GALNT16: variants seen among roughly 807,000 people sequenced by gnomAD.
GALNT16 encodes the protein polypeptide N-acetylgalactosaminyltransferase 16, also known as UDP-GalNAc:polypeptide N-acetylgalactosaminyltransferase-like protein 1.
A neutral mutation model predicts 76.1 loss-of-function variants in GALNT16; 40 were observed. The ratio of observed to expected loss-of-function variants is 0.53; its 90% CI spans 0.41 to 0.68. The LOEUF is 0.68. Among genes scored for constraint, GALNT16 ranks in the 30% least tolerant of loss-of-function variants. The pLI is 0.00. For synonymous variants in GALNT16, 276 were observed against 285.2 expected, an observed-to-expected ratio of 0.97 and a Z score of 0.32; for missense variants, 621 against 731.9, an observed-to-expected ratio of 0.85 and a Z score of 1.75.
At chr14:69,270,610 C>T (rs1444598185) in intron 1 of GALNT16, among the ~76,000 whole-genome samples, 1 of 152,202 alleles carries the variant, frequency 6.6e-6, no homozygotes, top group East Asian at 1.9e-4. Context: ...CCTTGGGCTG[C>T]CACAGCCCAC....
intron 1 of GALNT16, among the ~76,000 whole-genome samples, chr14:69,279,018 G>A (rs928060304): frequency 4.6e-5 from 7 of 151,418 alleles, no homozygotes; most frequent in East Asian, 1.9e-4. Flanking sequence ...TGCAACCTCC[G>A]CTTCCCAGGT....
intron 11 of GALNT16, among the ~76,000 whole-genome samples, chr14:69,341,090 T>A (rs188432529): frequency 6.6e-6 from 1 of 152,284 alleles, no homozygotes; most frequent in African/African-American, 2.4e-5. Context: ...GCTTCACACT[T>A]AATTCACTTG....
the GALNT16 span, among the ~76,000 whole-genome samples, chr14:69,375,250 C>T: frequency 5.3e-5 from 8 of 152,284 alleles, no homozygotes; most frequent in South Asian, 2.1e-4. Flanking sequence ...ACATACTTTC[C>T]GCATCCTTTT....
chr14:69,260,822 C>A (rs1053397645), intron 1 of GALNT16, among the ~76,000 whole-genome samples: 6 of 151,764 alleles, frequency 4.0e-5, no homozygotes, highest in African/African-American at 1.5e-4. Flanking sequence ...GGAAGGCTGC[C>A]GGGCCCAGCG....
Position 69,277,281 on chromosome 14 carries a change from G to A in GALNT16, c.177+16814G>A, listed in dbSNP as rs374052874. 3.9e-5 allele frequency among the ~76,000 whole-genome samples: 6 copies of A among 152,136 alleles called. No homozygotes were observed. In the South Asian group the frequency reaches 6.2e-4, roughly 16 times the overall value. Reference sequence around the variant, plus strand: ...GTACATGTGCACAACGTGCAGGCTCGTCACATATGTATACATGTGCCATGT... The same window carrying A: ...GTACATGTGCACAACGTGCAGGCTCATCACATATGTATACATGTGCCATGT... On this transcript the variant is annotated intron_variant, in intron 1 of 14. Transcript: ENST00000448469.
At chr14:69,321,604 T>C (rs1047362944) in intron 2 of GALNT16, among the ~76,000 whole-genome samples, 2 of 152,130 alleles carry the variant, frequency 1.3e-5, no homozygotes. Context: ...CCCCCAGCAC[T>C]TGATGGTCCT....
intron 12 of GALNT16, among the ~76,000 whole-genome samples, chr14:69,342,010 G>T (rs1044938220): frequency 6.6e-6 from 1 of 152,160 alleles, no homozygotes; most frequent in Non-Finnish European, 1.5e-5. Flanking sequence ...TATCCCCTTA[G>T]GAAACAACAC....
intron 6 of GALNT16, among the ~76,000 whole-genome samples, chr14:69,328,990 GGATTTGGACA>G (rs2045320851): frequency 6.6e-6 from 1 of 152,174 alleles, no homozygotes; most frequent in South Asian, 2.1e-4. Flanking sequence ...AGAACAGGGA[GGATTTGGACA>G]GATGGCAGAA....
intron 1 of GALNT16, among the ~76,000 whole-genome samples, chr14:69,316,319 T>G (rs1236253880): frequency 1.3e-5 from 2 of 152,230 alleles, no homozygotes; most frequent in African/African-American, 2.4e-5. Flanking sequence ...CTATTGTTTT[T>G]GAGTGCCTAC....
In GALNT16 at chr14:69,308,399, G is replaced by C. The variant is rs573826288; in HGVS notation, c.178-12312G>C. On this transcript the variant is annotated intron_variant, in intron 1 of 14. Transcript: ENST00000448469. ...GGTGACCCCTGTAGAGCGGTTTCCT[G>C]TGTATTCTTTCAGGTATACCTATGC... Among the ~76,000 whole-genome samples, 272 of 151,470 alleles carry C rather than the reference G, an allele frequency of 1.8e-3. 4 individuals are homozygous for C. Among genetic ancestry groups the C allele is most frequent in the Middle Eastern group, 3.4e-3 (1 of 294 alleles).
rs55871607 is a variant in GALNT16 at position 69,345,703 on chromosome 14, A to AGTGTGT, written c.1272-1308_1272-1303dup. On this transcript the variant is annotated intron_variant, in intron 12 of 14. Transcript: ENST00000448469. ...TCAGGTTTATTACCCATAAGGTGTCAGTGTGTGTGTGTGTGTGTGTGTGTG... is the reference window on the plus strand; with the variant it reads ...TCAGGTTTATTACCCATAAGGTGTCAGTGTGTGTGTGTGTGTGTGTGTGTGTGTGTG... Among the ~76,000 whole-genome samples the AGTGTGT allele has an allele frequency of 9.0e-3, 1,219 of 135,024 alleles. 26 individuals carry two copies. Among genetic ancestry groups the AGTGTGT allele is most frequent in the African/African-American group, 0.029 (1,060 of 36,126 alleles). 88.6% of individuals were successfully genotyped at this position (135,024 alleles called of 152,430 possible).
intron 1 of GALNT16, among the ~76,000 whole-genome samples, chr14:69,276,272 G>A (rs1228283719): frequency 6.6e-6 from 1 of 152,216 alleles, no homozygotes; most frequent in Non-Finnish European, 1.5e-5. Context: ...ACTTATGACA[G>A]TGAGTGTCCT....
chr14:69,355,240 G>C (rs774642643), downstream of GALNT16: 4 of 152,372 alleles, frequency 2.6e-5, no homozygotes, highest in Non-Finnish European at 5.9e-5. Context: ...CAGAACTTCT[G>C]ACCCCTGGGC....
intron 1 of GALNT16, among the ~76,000 whole-genome samples, chr14:69,318,085 A>G (rs2045127608): frequency 6.6e-6 from 1 of 152,214 alleles, no homozygotes; most frequent in African/African-American, 2.4e-5. Context: ...CTCCAACCCC[A>G]AGGAACAGCA....
intron 1 of GALNT16, among the ~76,000 whole-genome samples, chr14:69,271,001 AAGGCAAGGGAGC>A (rs1187579910): frequency 6.6e-6 from 1 of 152,084 alleles, no homozygotes; most frequent in Non-Finnish European, 1.5e-5. Context: ...GGGACCAGGG[AAGGCAAGGGAGC>A]AGCAGGCCAA....
chr14:69,333,606 T>G lies in GALNT16; in HGVS notation c.967+6T>G. 1.4e-6 allele frequency: 2 copies of G among 1,422,712 alleles called. No individual in the cohort carries two copies. The highest frequency in any genetic ancestry group is 2.0e-6 in the Non-Finnish European group (2 of 1,013,218). The allele number at this position is 1,422,712 out of a possible 1,614,324, so 88.1% of individuals were successfully genotyped here. On this transcript the variant is annotated splice_donor_region_variant and intron_variant, in intron 9 of 14. Transcript: ENST00000448469. The surrounding 1 kb of genome is among the most constrained non-coding windows in gnomAD (Gnocchi z 4.2). ...CTGGGGGGGAGAGAATTTTGGTGAGTTGGGAAATAGTGACAGTGAAAATAA... is the reference window on the plus strand; with the variant it reads ...CTGGGGGGGAGAGAATTTTGGTGAGGTGGGAAATAGTGACAGTGAAAATAA...
chr14:69,383,518 A>C, the GALNT16 span, among the ~76,000 whole-genome samples: 1 of 152,238 alleles, frequency 6.6e-6, no homozygotes, highest in African/African-American at 2.4e-5. Flanking sequence ...ATATTCAAAG[A>C]ACAAAAAGGA....
intron 13 of GALNT16, 101 bp from the exon 14 acceptor site, chr14:69,347,776 C>A (rs2045585239): frequency 8.0e-7 from 1 of 1,255,564 alleles, no homozygotes; most frequent in East Asian, 2.3e-5. Context: ...TTGTAGAAAT[C>A]TTACAAAAAT....
intron 1 of GALNT16, 66 bp downstream of exon 1, chr14:69,260,533 G>T (rs893324313): frequency 8.7e-7 from 1 of 1,151,174 alleles, no homozygotes; most frequent in Non-Finnish European, 1.1e-6. Flanking sequence ...ACCCTGCGCG[G>T]CGGCCGAGGG....
Sources: gnomAD v4.1 joint callset for allele counts (sites outside exome capture counted in the v4.1 genomes callset) on GRCh38, gnomAD v4.1.1 for gene constraint, Gnocchi (gnomAD v3.1) non-coding constraint, MANE v1.5 for transcripts, NCBI Gene and HGNC (gene_info 2026-07-23, HGNC 2026-07-21) for gene names.